TSHR: variants seen among roughly 807,000 people sequenced by gnomAD.
TSHR encodes the protein thyrotropin receptor.
In TSHR, 51 loss-of-function variants were observed where a neutral mutation model predicts 64.1. That is an observed-to-expected ratio of 0.80 (90% confidence interval 0.64 to 1.01). The LOEUF is 1.01. Among genes scored for constraint, TSHR ranks in the 50% least tolerant of loss-of-function variants. The probability of loss-of-function intolerance (pLI) is 0.00; values close to 1 mark genes in which losing one functional copy is unlikely to be tolerated. For synonymous variants in TSHR, 361 were observed against 361.9 expected (o/e 1.00, Z 0.03); for missense variants, 877 against 942.8 (o/e 0.93, Z 0.91).
intron 8 of TSHR, among the ~76,000 whole-genome samples, chr14:81,109,106 G>C (rs118012185): frequency 1.6e-3 from 240 of 152,162 alleles, no homozygotes; most frequent in Non-Finnish European, 2.6e-3. Flanking sequence ...ATCCACTCTA[G>C]TCCTTGCCAA....
intron 1 of TSHR, among the ~76,000 whole-genome samples, chr14:81,021,216 A>G (rs572721381): frequency 1.2e-3 from 185 of 152,226 alleles, no homozygotes; most frequent in Non-Finnish European, 2.4e-3. Flanking sequence ...CCTGGTACCA[A>G]AAAGGTTGGG....
At chr14:81,057,916 G>A (rs1885942133) in intron 1 of TSHR, among the ~76,000 whole-genome samples, 2 of 152,186 alleles carry the variant, frequency 1.3e-5, no homozygotes, top group Non-Finnish European at 2.9e-5. Context: ...ACCTATATAT[G>A]CACATATGCA....
chr14:81,092,639 A>G (rs1161955504), intron 6 of TSHR, 31 bp downstream of exon 6: 2 of 1,600,614 alleles, frequency 1.2e-6, no homozygotes, highest in Admixed American at 1.7e-5. Context: ...TCCCTCCATC[A>G]ACTAAATTCT....
chr14:81,135,878 C>CA (rs761612338), intron 8 of TSHR, among the ~76,000 whole-genome samples: 1 of 151,916 alleles, frequency 6.6e-6, no homozygotes, highest in Non-Finnish European at 1.5e-5. Flanking sequence ...GTGGTTAAAT[C>CA]AAAAAAGAAA....
chr14:81,062,178 TC>T lies in TSHR; in HGVS notation c.203del (p.Pro68GlnfsTer18). On this transcript the variant is annotated frameshift_variant, in exon 2 of 10. Transcript: ENST00000298171. LOFTEE classifies it high-confidence loss of function. ...TTATTGAGACTCACCTGAGAACTAT[TC>T]CAAGTCATGCATTTTCTAATCTGCC... ...KLIETHLRTI[P>X]SHAFSNLPNI... 6.2e-7 allele frequency: 1 copy of T among 1,612,050 alleles called. No homozygotes were observed. Among genetic ancestry groups the T allele is most frequent in the South Asian group, 1.1e-5 (1 of 90,900 alleles).
intron 1 of TSHR, among the ~76,000 whole-genome samples, chr14:80,968,187 A>T: frequency 6.6e-6 from 1 of 152,160 alleles, no homozygotes; most frequent in African/African-American, 2.4e-5. Context: ...AGCTAGTCAG[A>T]GCTCATACAG....
intron 1 of TSHR, among the ~76,000 whole-genome samples, chr14:81,004,589 AT>A (rs1467732891): frequency 6.6e-6 from 1 of 152,252 alleles, no homozygotes; most frequent in Non-Finnish European, 1.5e-5. Flanking sequence ...ACAAAAATCT[AT>A]TTATTTACCA....
Position 81,144,036 on chromosome 14 carries a change from A to G in TSHR, c.1978A>G (p.Lys660Glu), listed in dbSNP as rs1891828795. ...GCCTCTCATCACTGTTAGCAACTCC[A>G]AAATCTTGCTGGTACTCTTCTATCC... ...NKPLITVSNS[K>E]ILLVLFYPLN... The change falls in exon 10 of 10, where the codon AAA becomes GAA. Residue 660 changes from lysine to glutamate, a missense_variant. Lys to Glu is a moderately conservative substitution (Grantham distance 56, BLOSUM62 1). Coordinates refer to ENST00000298171, the MANE Select transcript of TSHR (RefSeq NM_000369.5). 4.3e-6 allele frequency: 7 copies of G among 1,614,146 alleles called. No individual in the cohort carries two copies. The highest frequency in any genetic ancestry group is 1.7e-5 in the Admixed American group (1 of 60,016).
At chr14:81,012,568 G>C (rs925093206) in intron 1 of TSHR, 1 of 151,846 alleles carries the variant, frequency 6.6e-6, no homozygotes, top group African/African-American at 2.4e-5. Flanking sequence ...CAGTGTAAAA[G>C]TGTTCCTATT....
At chr14:81,007,892 T>C (rs1049306994) in intron 1 of TSHR, among the ~76,000 whole-genome samples, 20 of 152,236 alleles carry the variant, frequency 1.3e-4, no homozygotes, top group Non-Finnish European at 2.8e-4. Flanking sequence ...TAGCGTTCTT[T>C]CTGAACAGAG....
At chr14:81,057,240 G>A (rs756750581) in intron 1 of TSHR, among the ~76,000 whole-genome samples, 8 of 152,090 alleles carry the variant, frequency 5.3e-5, no homozygotes, top group South Asian at 2.1e-4. Flanking sequence ...GTGAAACCCC[G>A]TCTCTACTGA....
At chr14:81,047,234 T>C (rs1398598859) in intron 1 of TSHR, among the ~76,000 whole-genome samples, 8 of 152,018 alleles carry the variant, frequency 5.3e-5, no homozygotes, top group Non-Finnish European at 1.2e-4. Flanking sequence ...GAAATGCAAA[T>C]CAAGAATGGG....
intron 1 of TSHR, among the ~76,000 whole-genome samples, chr14:81,008,189 T>C (rs79027744): frequency 6.6e-6 from 1 of 151,440 alleles, no homozygotes; most frequent in South Asian, 2.1e-4. Context: ...TTTTTTTTTT[T>C]TGAGATGGAG....
intron 3 of TSHR, among the ~76,000 whole-genome samples, chr14:81,076,637 C>T (rs1336977901): frequency 6.6e-6 from 1 of 152,148 alleles, no homozygotes; most frequent in African/African-American, 2.4e-5. Context: ...CTTTCCTCAT[C>T]ACCCACTTCT....
At position 81,073,021 on chromosome 14, in the gene TSHR, A is replaced by AAT. The variant is rs60115249; in HGVS notation, c.317+4721_317+4722dup. Among the ~76,000 whole-genome samples the AAT allele has an allele frequency of 4.4e-3, 215 of 48,558 alleles. 41 individuals carry two copies. The highest frequency in any genetic ancestry group is 6.1e-3 in the Non-Finnish European group (140 of 22,958). The allele number at this position is 48,558 out of a possible 152,430, so 31.9% of individuals were successfully genotyped here. ...CAAAAAAAAAAAAAAATAAAAAATAAATATATATATATATATATATATATA... is the reference window on the plus strand; with the variant it reads ...CAAAAAAAAAAAAAAATAAAAAATAAATATATATATATATATATATATATATA... On this transcript the variant is annotated intron_variant, in intron 3 of 9. Transcript: ENST00000298171.
At chr14:81,008,027 T>C (rs1889694936) in intron 1 of TSHR, among the ~76,000 whole-genome samples, 2 of 152,274 alleles carry the variant, frequency 1.3e-5, no homozygotes, top group Admixed American at 6.5e-5. Context: ...TGAAAACTTG[T>C]GGAGGGTTGG....
chr14:81,011,419 A>C (rs1214310247), intron 1 of TSHR, among the ~76,000 whole-genome samples: 3 of 152,078 alleles, frequency 2.0e-5, no homozygotes, highest in African/African-American at 7.2e-5. Flanking sequence ...TGGATACATC[A>C]GTTTCTTTTA....
chr14:81,085,734 C>T (rs1249459385), intron 3 of TSHR, among the ~76,000 whole-genome samples: 1 of 152,194 alleles, frequency 6.6e-6, no homozygotes, highest in Non-Finnish European at 1.5e-5. Context: ...TTCCAGACTG[C>T]AAACCCTGCT....
At chr14:81,106,667 C>T (rs375169683) in intron 7 of TSHR, among the ~76,000 whole-genome samples, 6 of 151,974 alleles carry the variant, frequency 3.9e-5, no homozygotes, top group South Asian at 2.1e-4. Flanking sequence ...AAAATTGGGC[C>T]GGCACGGTGG....
Sources: allele counts gnomAD v4.1 joint callset (sites outside exome capture counted in the v4.1 genomes callset), GRCh38; gene constraint gnomAD v4.1.1; transcripts MANE v1.5; gene names NCBI Gene and HGNC (gene_info 2026-07-23, HGNC 2026-07-21).